Variants in PITRM1 observed in about 807,000 individuals in gnomAD.
PITRM1 encodes presequence protease, mitochondrial.
In PITRM1, 100 loss-of-function variants were observed where a neutral mutation model predicts 129.9. The ratio of observed to expected loss-of-function variants is 0.77; its 90% confidence interval spans 0.65 to 0.91. The LOEUF is 0.91. PITRM1 is among the 40% of genes least tolerant of loss of function. The pLI, the probability that PITRM1 is intolerant of heterozygous loss-of-function variation, is 0.00. For synonymous variants in PITRM1, 591 were observed against 508.8 expected, an observed-to-expected ratio of 1.16 and a Z score of -2.17; for missense variants, 1,471 against 1,318.3, an observed-to-expected ratio of 1.12 and a Z score of -1.79.
Position 3,137,992 on chromosome 10 carries a change from A to T in PITRM1, c.*39T>A. On this transcript the variant is annotated 3_prime_UTR_variant, in exon 27 of 27. Transcript: ENST00000224949. ...CTTTTCATATTCAGCTCGGAGGTGT[A>T]TTGTCTCGGGCTCCTGTGCAGTCGA... 1 of 1,182,016 alleles carries T rather than the reference A, an allele frequency of 8.5e-7. No individual in the cohort carries two copies. The highest frequency in any genetic ancestry group is 1.2e-6 in the Non-Finnish European group (1 of 804,680). 73.2% of individuals were successfully genotyped at this position (1,182,016 alleles called of 1,614,324 possible). A position where few individuals can be genotyped will look rare whatever the true frequency, so the allele number is the denominator to read the frequency against.
At chr10:3,153,075 T>C (rs1036678223) in intron 14 of PITRM1, among the ~76,000 whole-genome samples, 1 of 152,238 alleles carries the variant, frequency 6.6e-6, no homozygotes, top group African/African-American at 2.4e-5. Context: ...CACAGAACCC[T>C]AACACTGCCA....
chr10:3,169,842 A>G (rs1432439129), intron 2 of PITRM1, among the ~76,000 whole-genome samples: 1 of 152,232 alleles, frequency 6.6e-6, no homozygotes, highest in East Asian at 1.9e-4. Flanking sequence ...AGTGTGTCTG[A>G]TTACAGAGAC....
Position 3,165,445 on chromosome 10 carries a change from G to T in PITRM1, c.501C>A (p.Thr167=), listed in dbSNP as rs200729800. The T allele has an allele frequency of 3.7e-6, 6 of 1,613,300 alleles. No individual in the cohort carries two copies. ...QNLLSVYLDA[T]FFPCLRELDF... is the part of the protein sequence containing the mutation. ...CCAGCTCGCGTAAACATGGGAAAAA[G>T]GTGGCATCCAAATACACCGAGAGGA... Residue 167 remains threonine, a synonymous_variant, in exon 5 of 27, where the codon ACC becomes ACA. Transcript: ENST00000224949.
At chr10:3,150,214 G>C (rs562071342) in intron 15 of PITRM1, among the ~76,000 whole-genome samples, 1 of 152,134 alleles carries the variant, frequency 6.6e-6, no homozygotes, top group Non-Finnish European at 1.5e-5. Flanking sequence ...ACCTCAAGGG[G>C]AGGGCTGGAC....
At chr10:3,171,147 TAAAAAAAAAAA>T (rs1169315061) in intron 1 of PITRM1, among the ~76,000 whole-genome samples, 13 of 49,202 alleles carry the variant, frequency 2.6e-4, no homozygotes, top group East Asian at 7.4e-4. Flanking sequence ...ATCGTTCAAT[TAAAAAAAAAAA>T]AAAAAAAAAA....
In PITRM1 at chr10:3,157,511, C is replaced by A. The variant is rs115840214; in HGVS notation, c.1271G>T (p.Arg424Leu). The stretch of plus-strand genomic sequence containing the variant: ...AATTTTATGAAGTAAAGCCTCAATT[C>A]GATCATCTTCAAATCCTTTCCTAAA... ...EVVEKGFEDD[R>L]IEALLHKIEI... Residue 424 changes from arginine to leucine, a missense_variant, in exon 12 of 27, where the codon CGA becomes CTA. Transcript: ENST00000224949. The A allele has an allele frequency of 6.2e-7, 1 of 1,603,692 alleles. No homozygotes were observed. The highest frequency in any genetic ancestry group is 1.1e-5 in the South Asian group (1 of 90,568).
In PITRM1 at chr10:3,149,733, A is replaced by G; in HGVS notation, c.1759T>C (p.Tyr587His). The change falls in exon 16 of 27, where the codon TAC becomes CAC. Residue 587 changes from tyrosine to histidine, a missense_variant. Tyr to His is a moderately conservative substitution (Grantham distance 83). Transcript: ENST00000224949. The stretch of plus-strand genomic sequence containing the variant: ...ATGCCATTGGTGGGCTGGGCGCAGT[A>G]CTGAACAGGGATATCTCCAGCTAGA... ...VLTAGDIPVQ[Y>H]CAQPTNGMVY... is the part of the protein sequence containing the mutation. 1.9e-6 allele frequency: 3 copies of G among 1,613,702 alleles called. No homozygotes were observed. The highest frequency in any genetic ancestry group is 2.5e-6 in the Non-Finnish European group (3 of 1,179,816).
chr10:3,155,673 C>T lies in PITRM1; in HGVS notation c.1539G>A (p.Lys513=). 1.2e-6 allele frequency: 2 copies of T among 1,613,930 alleles called. No individual in the cohort carries two copies. Among genetic ancestry groups the T allele is most frequent in the Non-Finnish European group, 1.7e-6 (2 of 1,179,874 alleles). ...SMRPDDKYHE[K]QAQVEATKLK... is the part of the protein sequence containing the mutation. ...GCTTCGTGGCTTCCACCTGTGCCTG[C>T]TTCTCGTGATACTTGTCATCTGGCC... is the stretch of plus-strand genomic sequence containing the variant. The change falls in exon 14 of 27, where the codon AAG becomes AAA. Residue 513 remains lysine, a synonymous_variant. Transcript: ENST00000224949.
rs1395060228 is a variant in PITRM1 at position 3,158,897 on chromosome 10, T to C, written c.1136+17A>G. On this transcript the variant is annotated intron_variant, in intron 10 of 26. Coordinates refer to ENST00000224949, the MANE Select transcript of PITRM1 (RefSeq NM_014889.4). ...CAACCAATGAGAACTACTGATCTAA[T>C]CTAATCATAAACTCACCCAACATCA... 8 of 1,612,082 alleles carry C rather than the reference T, an allele frequency of 5.0e-6. No homozygotes were observed. Among genetic ancestry groups the C allele is most frequent in the Non-Finnish European group, 6.8e-6 (8 of 1,179,010 alleles).
chr10:3,147,776 T>C, intron 18 of PITRM1, 39 bp from the exon 19 acceptor site: 1 of 1,522,908 alleles, frequency 6.6e-7, no homozygotes, highest in Non-Finnish European at 8.8e-7. Context: ...TGGAGACCCA[T>C]TCCTCACGTC....
chr10:3,171,931 G>A (rs1326485889), intron 1 of PITRM1, among the ~76,000 whole-genome samples: 2 of 152,110 alleles, frequency 1.3e-5, no homozygotes, highest in Non-Finnish European at 2.9e-5. Context: ...GTATCCCACC[G>A]AAATATTTAT....
intron 23 of PITRM1, among the ~76,000 whole-genome samples, chr10:3,142,709 C>T (rs1189708287): frequency 2.6e-5 from 4 of 152,364 alleles, no homozygotes; most frequent in African/African-American, 9.6e-5. Flanking sequence ...TTGGCTGTGG[C>T]TTCGGCTGCT....
rs773518719 is a variant in PITRM1, at chr10:3,155,617, C to T, written c.1595G>A (p.Gly532Glu). 1.2e-6 allele frequency: 2 copies of T among 1,613,826 alleles called. No homozygotes were observed. Among genetic ancestry groups the T allele is most frequent in the African/African-American group, 2.7e-5 (2 of 74,910 alleles). ...TTTCTCGTAGATCTGCTGCCTGTCT[C>T]CGGGGGACAGAGCCTCGACCTTCTG... ...LKQKVEALSP[G>E]DRQQIYEKGL... The change falls in exon 14 of 27, where the codon GGA becomes GAA. Residue 532 changes from glycine to glutamate, a missense_variant. By Grantham distance (98) the Gly-to-Glu change is moderately conservative. Coordinates refer to ENST00000224949, the MANE Select transcript of PITRM1 (RefSeq NM_014889.4).
chr10:3,151,251 C>T lies in PITRM1; in HGVS notation c.1734G>A (p.Leu578=), dbSNP rs373019822. ...AAGCGTAGCGTTCACAGTGACCTGT[C>T]AGGACCACGTCCAACTCTGTGACAG... ...TIPVTELDVV[L]TAGDIPVQYC... The change falls in exon 15 of 27, where the codon CTG becomes CTA. Residue 578 remains leucine, a synonymous_variant. Transcript: ENST00000224949. 6.3e-7 allele frequency: 1 copy of T among 1,579,686 alleles called. No homozygotes were observed. Among genetic ancestry groups the T allele is most frequent in the South Asian group, 1.1e-5 (1 of 88,024 alleles).
intron 14 of PITRM1, among the ~76,000 whole-genome samples, chr10:3,153,734 A>G (rs1304372646): frequency 1.3e-5 from 2 of 152,210 alleles, no homozygotes; most frequent in African/African-American, 4.8e-5. Context: ...ACATGATGTA[A>G]CTTCAAACTT....
intron 25 of PITRM1, 190 bp downstream of exon 25, chr10:3,138,714 G>A: frequency 1.4e-6 from 1 of 724,274 alleles, no homozygotes; most frequent in South Asian, 1.6e-5. Context: ...TAAAACAAAT[G>A]ACAGGATGCA....
Position 3,159,838 on chromosome 10 carries a change from A to T in PITRM1, c.1007+10T>A. 6.6e-7 allele frequency: 1 copy of T among 1,526,484 alleles called. No individual in the cohort carries two copies. Among genetic ancestry groups the T allele is most frequent in the Non-Finnish European group, 9.0e-7 (1 of 1,106,522 alleles). The allele number at this position is 1,526,484 out of a possible 1,614,324, so 94.6% of individuals were successfully genotyped here. Reference sequence around the variant, plus strand: ...TTTGTCTTGTATGAGCTTTGACAGCATATACTTACTCCGGTAAGAGGAAGC... The same window carrying T: ...TTTGTCTTGTATGAGCTTTGACAGCTTATACTTACTCCGGTAAGAGGAAGC... On this transcript the variant is annotated intron_variant, in intron 9 of 26. Coordinates refer to ENST00000224949, the MANE Select transcript of PITRM1 (RefSeq NM_014889.4).
At chr10:3,147,491 T>A in intron 19 of PITRM1, 81 bp downstream of exon 19, 1 of 1,425,140 alleles carries the variant, frequency 7.0e-7, no homozygotes, top group South Asian at 1.2e-5. Context: ...GGGACATAAA[T>A]TAATGTATTC....
rs529570583 is a variant in PITRM1, at chr10:3,145,669, G to A, written c.2384C>T (p.Ala795Val). Residue 795 changes from alanine to valine, a missense_variant, in exon 21 of 27, where the codon GCG becomes GTG. Physicochemically the swap from Ala to Val is moderately conservative, Grantham distance 64. Transcript: ENST00000224949. ...GATGCTTCTAAGGAAGTCTTCGACC[G>A]CTTTTTCTGTCTGAGGCATCTGCTG... ...TPQQMPQTEK[A>V]VEDFLRSIGR... 3.4e-5 allele frequency: 52 copies of A among 1,550,684 alleles called. No homozygotes were observed. The highest frequency in any genetic ancestry group is 8.3e-5 in the South Asian group (7 of 84,044).
Sources: gnomAD v4.1 joint callset for allele counts (sites outside exome capture counted in the v4.1 genomes callset) on GRCh38, gnomAD v4.1.1 for gene constraint, MANE v1.5 for transcripts, NCBI Gene and HGNC (gene_info 2026-07-23, HGNC 2026-07-21) for gene names.